EEF1E1: variants seen among roughly 807,000 people sequenced by gnomAD.
EEF1E1 encodes the protein eukaryotic translation elongation factor 1 epsilon 1, also known as eukaryotic translation elongation factor 1 epsilon-1.
In EEF1E1, 19 loss-of-function variants were observed where a neutral mutation model predicts 19.9. The ratio of observed to expected loss-of-function variants is 0.95; its 90% CI spans 0.66 to 1.40. The LOEUF (loss-of-function observed/expected upper bound fraction) is 1.40, where lower values mean the gene tolerates loss of function less well. Ranked by LOEUF, EEF1E1 falls within the 40% of genes most tolerant of loss-of-function variation. The pLI, the probability that EEF1E1 is intolerant of heterozygous loss-of-function variation, is 0.00. For synonymous variants in EEF1E1, 81 were observed against 80.0 expected (o/e 1.01, Z -0.07); for missense variants, 198 against 202.2 (o/e 0.98, Z 0.13).
At chr6:8,091,974 G>A (rs1758023850) in intron 2 of EEF1E1, among the ~76,000 whole-genome samples, 1 of 152,204 alleles carries the variant, frequency 6.6e-6, no homozygotes, top group South Asian at 2.1e-4. Flanking sequence ...AGTTCTGGAG[G>A]CTGGAAGTCT....
At chr6:8,073,638 A>C in intron 3 of EEF1E1, 1 of 1,308,390 alleles carries the variant, frequency 7.6e-7, no homozygotes, top group Non-Finnish European at 1.0e-6. Context: ...ATATTTTAAA[A>C]AGTATTAACA....
chr6:8,097,695 G>A lies in EEF1E1; in HGVS notation c.88-228C>T, dbSNP rs74361016. 1.8e-3 allele frequency among the ~76,000 whole-genome samples: 269 copies of A among 152,142 alleles called. 2 individuals carry two copies. In the East Asian group the frequency reaches 0.032, roughly 18 times the overall value. On this transcript the variant is annotated intron_variant, in intron 1 of 3. Transcript: ENST00000379715. ...ACTGGTAATAACATTGCAAAAATCC[G>A]TATAATATTACTACAATAATCAGTA...
chr6:8,100,751 A>C (rs1758325837), intron 1 of EEF1E1, among the ~76,000 whole-genome samples: 1 of 151,472 alleles, frequency 6.6e-6, no homozygotes, highest in African/African-American at 2.4e-5. Context: ...TTCTCTAATA[A>C]ATCTGCTTTT....
intron 1 of EEF1E1, among the ~76,000 whole-genome samples, chr6:8,101,265 T>A (rs868704561): frequency 0.042 from 4,092 of 97,058 alleles, 386 homozygotes; most frequent in Non-Finnish European, 0.058. Context: ...TATATATATA[T>A]ATATATATAT....
At chr6:8,095,017 G>A (rs1758126826) in intron 2 of EEF1E1, among the ~76,000 whole-genome samples, 2 of 152,122 alleles carry the variant, frequency 1.3e-5, no homozygotes, top group Admixed American at 1.3e-4. Context: ...TTAACAGTAG[G>A]CTATTAGCAA....
At chr6:8,084,579 CAGCA>C (rs1156342166) in intron 3 of EEF1E1, among the ~76,000 whole-genome samples, 1 of 152,204 alleles carries the variant, frequency 6.6e-6, no homozygotes, top group Admixed American at 6.5e-5. Context: ...CCCGATGCTA[CAGCA>C]AGCAAGATCT....
At chr6:8,097,243 A>G (rs997889752) in intron 2 of EEF1E1, 24 bp downstream of exon 2, 2 of 1,606,742 alleles carry the variant, frequency 1.2e-6, no homozygotes, top group Non-Finnish European at 1.7e-6. Context: ...CATGCATTTC[A>G]GCCTATAAGA....
At chr6:8,099,787 C>CA (rs749096630) in intron 1 of EEF1E1, among the ~76,000 whole-genome samples, 16 of 81,602 alleles carry the variant, frequency 2.0e-4, no homozygotes, top group African/African-American at 5.3e-4. Context: ...CACACACACA[C>CA]ACACAAAAAA....
Position 8,102,432 on chromosome 6 carries a change from C to A in EEF1E1, c.87+3G>T. 1 of 1,610,250 alleles carries A rather than the reference C, an allele frequency of 6.2e-7. No individual in the cohort carries two copies. The highest frequency in any genetic ancestry group is 8.5e-7 in the Non-Finnish European group (1 of 1,179,088). On this transcript the variant is annotated splice_donor_region_variant and intron_variant, in intron 1 of 3. Coordinates refer to ENST00000379715, the MANE Select transcript of EEF1E1 (RefSeq NM_004280.5). ...TCCCCTCCGCGCCGCCTCTCCTTCT[C>A]ACCTGTCGCTCGCCCTGAGCACTGT... is the stretch of plus-strand genomic sequence containing the variant.
At chr6:8,088,185 G>A (rs556786772) in intron 3 of EEF1E1, among the ~76,000 whole-genome samples, 2 of 152,140 alleles carry the variant, frequency 1.3e-5, no homozygotes, top group African/African-American at 2.4e-5. Context: ...AACATAGTGA[G>A]TATCATGTCA....
exon 4 of EEF1E1, chr6:8,073,502 C>T: frequency 6.4e-7 from 1 of 1,551,612 alleles, no homozygotes; most frequent in Non-Finnish European, 8.7e-7. Flanking sequence ...TGTGCCTCAG[C>T]TTCCTTATCT....
At chr6:8,088,946 A>G (rs980566227) in intron 3 of EEF1E1, among the ~76,000 whole-genome samples, 1 of 88,872 alleles carries the variant, frequency 1.1e-5, no homozygotes, top group Non-Finnish European at 2.5e-5. Context: ...TCCCTGGGAG[A>G]AAAAAAAAAA....
downstream of EEF1E1, among the ~76,000 whole-genome samples, chr6:8,076,955 T>G (rs1429661551): frequency 6.9e-6 from 1 of 145,860 alleles, no homozygotes; most frequent in East Asian, 2.1e-4. Context: ...TTGTTTTTTT[T>G]TTTTTGAGAT....
chr6:8,101,325 G>A (rs1183856216), intron 1 of EEF1E1, among the ~76,000 whole-genome samples: 1 of 128,774 alleles, frequency 7.8e-6, no homozygotes, highest in African/African-American at 3.0e-5. Flanking sequence ...TTGTCCACTC[G>A]GCCATATATA....
At chr6:8,074,171 G>A (rs940652672) in intron 3 of EEF1E1, among the ~76,000 whole-genome samples, 1 of 152,136 alleles carries the variant, frequency 6.6e-6, no homozygotes, top group East Asian at 1.9e-4. Flanking sequence ...GAAACCACTC[G>A]TTCAGCATGG....
chr6:8,077,746 C>T (rs943494157), downstream of EEF1E1, among the ~76,000 whole-genome samples: 11 of 152,342 alleles, frequency 7.2e-5, no homozygotes, highest in African/African-American at 2.6e-4. Context: ...AGCAATAAGG[C>T]TGTTTCGCTT....
chr6:8,075,263 C>T (rs1283709645), downstream of EEF1E1, among the ~76,000 whole-genome samples: 1 of 152,138 alleles, frequency 6.6e-6, no homozygotes. Flanking sequence ...CATACAAATA[C>T]AAATTTACAG....
At chr6:8,077,101 A>G (rs112287736), downstream of EEF1E1, among the ~76,000 whole-genome samples, 220 of 151,386 alleles carry the variant, frequency 1.5e-3, 1 homozygote, top group Middle Eastern at 0.014. Context: ...CCGCCACCAC[A>G]CCCAGCTAAT....
Position 8,099,781 on chromosome 6 carries a change from CACACACACACAA to C in EEF1E1, c.88-2326_88-2315del, listed in dbSNP as rs1207578689. On this transcript the variant is annotated intron_variant, in intron 1 of 3. Coordinates refer to ENST00000379715, the MANE Select transcript of EEF1E1 (RefSeq NM_004280.5). ...ACACACACACACACACACACACACACACACACACACAAAAAAAAAACAGAACCCTCTATAATG... is the reference window on the plus strand; with the variant it reads ...ACACACACACACACACACACACACACAAAAAAAACAGAACCCTCTATAATG... 1.8e-3 allele frequency among the ~76,000 whole-genome samples: 186 copies of C among 102,140 alleles called. 7 individuals carry two copies. The South Asian group carries it at 0.032, about 17-fold the overall frequency. 67.0% of individuals were successfully genotyped at this position (102,140 alleles called of 152,430 possible). A position where few individuals can be genotyped will look rare whatever the true frequency, so the allele number is the denominator to read the frequency against.
Sources: gnomAD v4.1 joint callset for allele counts (sites outside exome capture counted in the v4.1 genomes callset) on GRCh38, gnomAD v4.1.1 for gene constraint, MANE v1.5 for transcripts, NCBI Gene and HGNC (gene_info 2026-07-23, HGNC 2026-07-21) for gene names.